The following ATF6B variants were observed in gnomAD, a reference collection of about 807,000 sequenced individuals.
The protein encoded by ATF6B is cyclic AMP-dependent transcription factor ATF-6 beta.
ATF6B carries 50 observed loss-of-function variants against 83.5 expected under a neutral mutation model. That is an observed-to-expected ratio of 0.60 (90% CI 0.48 to 0.76). The LOEUF (loss-of-function observed/expected upper bound fraction) is 0.76. Ranked by LOEUF, ATF6B falls within the 30% of genes least tolerant of loss-of-function variation. ATF6B has a pLI of 0.00. For synonymous variants in ATF6B, 344 were observed against 362.8 expected (o/e 0.95, Z 0.59); for missense variants, 790 against 893.8 (o/e 0.88, Z 1.48).
chr6:32,125,790 G>A lies in ATF6B; in HGVS notation c.478+327C>T, dbSNP rs1285637550. The stretch of plus-strand genomic sequence containing the variant: ...ACAACAAAAATGTTTATAATAAAAT[G>A]TTGGGTGGAGGGGAATCACACAGAT... On this transcript the variant is annotated intron_variant, in intron 5 of 17. Transcript: ENST00000375203. This position sits in a 1 kb window ranked among gnomAD's most constrained non-coding sequence, Gnocchi z 4.1. Among the ~76,000 whole-genome samples, 2 of 152,132 alleles carry A rather than the reference G, an allele frequency of 1.3e-5. No homozygotes were observed.
At chr6:32,127,897 C>T in intron 1 of ATF6B, 147 bp from the exon 2 acceptor site, 1 of 1,013,978 alleles carries the variant, frequency 9.9e-7, no homozygotes, top group Non-Finnish European at 1.5e-6. Context: ...GGCGCTTCAG[C>T]CCCTCCTTCC....
Position 32,115,912 on chromosome 6 carries a change from ACTCGATCTGCATCAT to A in ATF6B, c.1924_1938del (p.Met642_Glu646del). 1 of 1,614,022 alleles carries A rather than the reference ACTCGATCTGCATCAT, an allele frequency of 6.2e-7. No homozygotes were observed. The highest frequency in any genetic ancestry group is 1.3e-5 in the African/African-American group (1 of 75,022). ...ATCACCCTGGTGTCCATGACCTCAC[ACTCGATCTGCATCAT>A]CTCCTCATAGTCCCCCGGGGCCCCA... On this transcript the variant is annotated inframe_deletion, in exon 18 of 18. Coordinates refer to ENST00000375203, the MANE Select transcript of ATF6B (RefSeq NM_004381.5).
In ATF6B at chr6:32,115,640, C is replaced by T. The variant is rs1781493126; in HGVS notation, c.*99G>A. The T allele has an allele frequency of 2.8e-6, 3 of 1,089,998 alleles. No homozygotes were observed. The South Asian group carries it at 4.7e-5, about 17-fold the overall frequency. 67.5% of individuals were successfully genotyped at this position (1,089,998 alleles called of 1,614,324 possible). On this transcript the variant is annotated 3_prime_UTR_variant, in exon 18 of 18. Coordinates refer to ENST00000375203, the MANE Select transcript of ATF6B (RefSeq NM_004381.5). ...CCCCCACACCTGCTCTTTCCTTTAC[C>T]AATTGCCCCAAGCCTGGGGATCAGG...
At chr6:32,127,076 A>G in intron 4 of ATF6B, 27 bp downstream of exon 4, 1 of 1,503,744 alleles carries the variant, frequency 6.7e-7, no homozygotes, top group Non-Finnish European at 9.0e-7. Flanking sequence ...CCCGTCACAG[A>G]GAGTAAGAGG....
chr6:32,116,762 G>A lies in ATF6B; in HGVS notation c.1739C>T (p.Ala580Val), dbSNP rs1392702189. 1 of 1,614,064 alleles carries A rather than the reference G, an allele frequency of 6.2e-7. No homozygotes were observed. Among genetic ancestry groups the A allele is most frequent in the Non-Finnish European group, 8.5e-7 (1 of 1,180,046 alleles). ...CCGTCGGTCAATTGCATCCAAGAAT[G>A]CTGGCTGCGAACGGTCTGGGTGGCG... The part of the protein sequence containing the change: ...LYRHPDRSQP[A>V]FLDAIDRRED... The change falls in exon 16 of 18, where the codon GCA (alanine) becomes GTA (valine). Residue 580 changes from alanine to valine, a missense_variant. Ala to Val is a moderately conservative substitution (Grantham distance 64). Coordinates refer to ENST00000375203, the MANE Select transcript of ATF6B (RefSeq NM_004381.5). The surrounding 1 kb of genome is among the most constrained non-coding windows in gnomAD (Gnocchi z 5.1).
intron 8 of ATF6B, 26 bp downstream of exon 8, chr6:32,120,745 C>T: frequency 6.2e-7 from 1 of 1,605,822 alleles, no homozygotes; most frequent in Non-Finnish European, 8.5e-7. Flanking sequence ...GCCACCATGC[C>T]CGGCCCTTTT....
In ATF6B at chr6:32,116,670, G is replaced by C. The variant is rs200540433; in HGVS notation, c.1797+34C>G. 8.4e-5 allele frequency: 135 copies of C among 1,609,602 alleles called. 1 individual carries two copies. The highest frequency in any genetic ancestry group is 1.7e-4 in the Middle Eastern group (1 of 6,052). ...CTGAAGACAGACTGCTGGGAACCTG[G>C]GGTGACAGAGATGGAAGGGCAGGAG... On this transcript the variant is annotated intron_variant, in intron 16 of 17. Transcript: ENST00000375203. This position sits in a 1 kb window ranked among gnomAD's most constrained non-coding sequence, Gnocchi z 5.1.
In ATF6B at chr6:32,116,592, G is replaced by A. The variant is rs1408279602; in HGVS notation, c.1798-28C>T. 5 of 1,598,456 alleles carry A rather than the reference G, an allele frequency of 3.1e-6. No homozygotes were observed. The highest frequency in any genetic ancestry group is 1.7e-5 in the Admixed American group (1 of 59,360). ...GGGGAACAGATGGGCCAGGCCAGAAGGGTGGAGGCAAAGATGCCAACAAGC... is the reference window on the plus strand; with the variant it reads ...GGGGAACAGATGGGCCAGGCCAGAAAGGTGGAGGCAAAGATGCCAACAAGC... On this transcript the variant is annotated intron_variant, in intron 16 of 17. Coordinates refer to ENST00000375203, the MANE Select transcript of ATF6B (RefSeq NM_004381.5). The surrounding 1 kb of genome is among the most constrained non-coding windows in gnomAD (Gnocchi z 5.1).
chr6:32,120,763 T>C lies in ATF6B; in HGVS notation c.832+8A>G, dbSNP rs1044897883. 5 of 1,608,910 alleles carry C rather than the reference T, an allele frequency of 3.1e-6. No homozygotes were observed. The highest frequency in any genetic ancestry group is 4.2e-6 in the Non-Finnish European group (5 of 1,177,482). On this transcript the variant is annotated splice_region_variant and intron_variant, in intron 8 of 17. Coordinates refer to ENST00000375203, the MANE Select transcript of ATF6B (RefSeq NM_004381.5). ...ACCATGCCCGGCCCTTTTCTCCTTC[T>C]TCAGTACCTGGGGGTGGCTGGACGA... is the stretch of plus-strand genomic sequence containing the variant.
rs1436191170 is a variant in ATF6B, at chr6:32,125,260, A to G, written c.478+857T>C. 6.6e-6 allele frequency among the ~76,000 whole-genome samples: 1 copy of G among 152,240 alleles called. No homozygotes were observed. The highest frequency in any genetic ancestry group is 1.5e-5 in the Non-Finnish European group (1 of 68,042). ...TCTTGTTCATCTTTGCATTCCCAGC[A>G]TGCTGCTCAGTATCTGGCATGGAGT... On this transcript the variant is annotated intron_variant, in intron 5 of 17. Coordinates refer to ENST00000375203, the MANE Select transcript of ATF6B (RefSeq NM_004381.5). The surrounding 1 kb of genome is among the most constrained non-coding windows in gnomAD (Gnocchi z 4.1).
At chr6:32,121,472 G>A in intron 5 of ATF6B, 124 bp from the exon 6 acceptor site, 1 of 885,134 alleles carries the variant, frequency 1.1e-6, no homozygotes, top group Non-Finnish European at 1.8e-6. Context: ...GGAGGCCAAG[G>A]CGGGCAGATC....
chr6:32,128,211 T>TCCCCCCCA lies in ATF6B; in HGVS notation c.-12_-5dup. 2 of 1,536,888 alleles carry TCCCCCCCA rather than the reference T, an allele frequency of 1.3e-6. No homozygotes were observed. Among genetic ancestry groups the TCCCCCCCA allele is most frequent in the South Asian group, 1.1e-5 (1 of 87,862 alleles). On this transcript the variant is annotated 5_prime_UTR_variant, in exon 1 of 18. Transcript: ENST00000375203. ...TGAGCAGCATCAGCTCCGCCATCTTTCCCCCCCACCCCCCAACCAGGAGAC... is the reference window on the plus strand; with the variant it reads ...TGAGCAGCATCAGCTCCGCCATCTTTCCCCCCCACCCCCCCACCCCCCAACCAGGAGAC...
At chr6:32,126,990 A>T (rs961517190) in intron 4 of ATF6B, 113 bp downstream of exon 4, 1 of 903,730 alleles carries the variant, frequency 1.1e-6, no homozygotes. Context: ...CACCTCACAC[A>T]CCTCATGACT....
intron 5 of ATF6B, among the ~76,000 whole-genome samples, chr6:32,123,072 CAA>C (rs1211109482): frequency 2.0e-5 from 3 of 151,046 alleles, no homozygotes; most frequent in Non-Finnish European, 4.4e-5. Context: ...ACCAAAAATA[CAA>C]AAAAATAGCC....
In ATF6B at chr6:32,127,832, T is replaced by C. The variant is rs1782051799; in HGVS notation, c.92-82A>G. 6 of 1,464,020 alleles carry C rather than the reference T, an allele frequency of 4.1e-6. No individual in the cohort carries two copies. In the East Asian group the frequency reaches 6.8e-5, roughly 17 times the overall value. The allele number at this position is 1,464,020 out of a possible 1,614,324, so 90.7% of individuals were successfully genotyped here. ...ACACAAGCCCCCGCCCCATCCCTCATTGGCTCCGCTCGGCCAGACCCACCG... is the reference window on the plus strand; with the variant it reads ...ACACAAGCCCCCGCCCCATCCCTCACTGGCTCCGCTCGGCCAGACCCACCG... On this transcript the variant is annotated intron_variant, in intron 1 of 17. Transcript: ENST00000375203.
At position 32,117,272 on chromosome 6, in the gene ATF6B, C is replaced by CT; in HGVS notation, c.1614+50dup. ...CCCACTAGAAATCCCCAGACAAGGC[C>CT]TTTAGCCCTTGTCTTCAAGTGGCCT... On this transcript the variant is annotated intron_variant, in intron 14 of 17. Transcript: ENST00000375203. The surrounding 1 kb of genome is among the most constrained non-coding windows in gnomAD (Gnocchi z 5.0). 1 of 1,595,228 alleles carries CT rather than the reference C, an allele frequency of 6.3e-7. No individual in the cohort carries two copies. Among genetic ancestry groups the CT allele is most frequent in the Non-Finnish European group, 8.6e-7 (1 of 1,167,318 alleles).
rs766707997 is a variant in ATF6B, at chr6:32,121,004, G to C, written c.685C>G (p.Leu229Val). Residue 229 changes from leucine (L) to valine (V), a missense_variant, in exon 7 of 18, where the codon CTT becomes GTT. This residue lies in a region of ATF6B where 530 missense variants were observed against 632.6 expected (regional missense o/e 0.84). Transcript: ENST00000375203. ...ACTCCATTACCTGAGGAGCCATCAA[G>C]GGATGGGCCCATGCTGATCTGGACA... is the stretch of plus-strand genomic sequence containing the variant. ...GAVQISMGPS[L>V]DGSSGKALPT... The C allele has an allele frequency of 3.3e-6, 5 of 1,524,034 alleles. No individual in the cohort carries two copies. The highest frequency in any genetic ancestry group is 2.6e-5 in the South Asian group (2 of 75,730). The allele number at this position is 1,524,034 out of a possible 1,614,324, so 94.4% of individuals were successfully genotyped here.
Position 32,117,201 on chromosome 6 carries a change from C to T in ATF6B, c.1615-94G>A. 1 of 1,530,306 alleles carries T rather than the reference C, an allele frequency of 6.5e-7. No individual in the cohort carries two copies. Among genetic ancestry groups the T allele is most frequent in the Non-Finnish European group, 8.9e-7 (1 of 1,118,316 alleles). 94.8% of individuals were successfully genotyped at this position (1,530,306 alleles called of 1,614,324 possible). On this transcript the variant is annotated intron_variant, in intron 14 of 17. Transcript: ENST00000375203. This position sits in a 1 kb window ranked among gnomAD's most constrained non-coding sequence, Gnocchi z 5.0. ...GAAGCTGATGCCACCTCCCACTCAA[C>T]CCTCCACTTCCTTCAAACGATCCCT...
Position 32,117,161 on chromosome 6 carries a change from G to A in ATF6B, c.1615-54C>T. The A allele has an allele frequency of 1.3e-6, 2 of 1,591,486 alleles. No individual in the cohort carries two copies. Among genetic ancestry groups the A allele is most frequent in the Non-Finnish European group, 1.7e-6 (2 of 1,161,054 alleles). ...AGAGGGTGAAGGGAAAAGGGAAAGA[G>A]ACAAACAGCCCCTGGAAGCTGATGC... On this transcript the variant is annotated intron_variant, in intron 14 of 17. Transcript: ENST00000375203. This position sits in a 1 kb window ranked among gnomAD's most constrained non-coding sequence, Gnocchi z 5.0.
Sources: gnomAD v4.1 joint callset for allele counts (sites outside exome capture counted in the v4.1 genomes callset) on GRCh38, gnomAD v4.1.1 for gene constraint, gnomAD v4.1.1 regional missense constraint, Gnocchi (gnomAD v3.1) non-coding constraint, MANE v1.5 for transcripts, NCBI Gene and HGNC (gene_info 2026-07-23, HGNC 2026-07-21) for gene names.